Variants in ESRRB observed in about 807,000 individuals in gnomAD.
ESRRB encodes estrogen related receptor beta.
In ESRRB, 16 loss-of-function variants were observed where a neutral mutation model predicts 46.0. The ratio of observed to expected loss-of-function variants is 0.35; its 90% CI spans 0.24 to 0.53. The LOEUF is 0.53. Among genes scored for constraint, ESRRB ranks in the 20% least tolerant of loss-of-function variants. ESRRB has a pLI of 0.93. For synonymous variants in ESRRB, 246 were observed against 259.6 expected, an observed-to-expected ratio of 0.95 and a Z score of 0.50; for missense variants, 488 against 607.4, an observed-to-expected ratio of 0.80 and a Z score of 2.07.
chr14:76,411,953 CA>C (rs1886461885), intron 1 of ESRRB, among the ~76,000 whole-genome samples: 1 of 152,160 alleles, frequency 6.6e-6, no homozygotes, highest in African/African-American at 2.4e-5. Context: ...AGCATAGTGT[CA>C]GGTATACAAA....
intron 2 of ESRRB, among the ~76,000 whole-genome samples, chr14:76,448,891 CAAT>C (rs927204400): frequency 6.7e-6 from 1 of 150,148 alleles, no homozygotes; most frequent in African/African-American, 2.5e-5. Context: ...TTATGGAAAA[CAAT>C]ATATTATTTT....
In ESRRB at chr14:76,498,362, G is replaced by A. The variant is rs149094398; in HGVS notation, c.1269G>A (p.Thr423=). The A allele has an allele frequency of 1.1e-5, 17 of 1,612,484 alleles. No homozygotes were observed. The highest frequency in any genetic ancestry group is 9.3e-5 in the African/African-American group (7 of 74,916). ...TGACACTGCCGCTGCTGCGGCAGAC[G>A]GCCGCCAAGGCCGTGCAGCACTTCT... is the stretch of plus-strand genomic sequence containing the variant. ...LLLTLPLLRQ[T]AAKAVQHFYS... is the part of the protein sequence containing the mutation. The change falls in exon 7 of 7, where the codon ACG becomes ACA. Residue 423 remains threonine, a synonymous_variant. Coordinates refer to ENST00000644823, the MANE Select transcript of ESRRB (RefSeq NM_001379180.1).
chr14:76,413,861 T>TC (rs1284725521), intron 1 of ESRRB, among the ~76,000 whole-genome samples: 22 of 31,554 alleles, frequency 7.0e-4, no homozygotes, highest in South Asian at 2.5e-3. Flanking sequence ...CCCTGCACCA[T>TC]CCCCACCCCT....
chr14:76,419,682 T>C (rs973545785), intron 1 of ESRRB, among the ~76,000 whole-genome samples: 1 of 152,114 alleles, frequency 6.6e-6, no homozygotes, highest in Admixed American at 6.5e-5. Flanking sequence ...ACTTTGAAGG[T>C]CGTATTCTAT....
At chr14:76,487,672 T>C (rs1022561796) in intron 5 of ESRRB, among the ~76,000 whole-genome samples, 4 of 152,294 alleles carry the variant, frequency 2.6e-5, no homozygotes. Context: ...GGCATGATCT[T>C]GGCTCACTGG....
intron 1 of ESRRB, among the ~76,000 whole-genome samples, chr14:76,408,365 G>GC (rs986637773): frequency 2.6e-5 from 4 of 152,068 alleles, no homozygotes; most frequent in African/African-American, 4.8e-5. Flanking sequence ...GGTCACTTGA[G>GC]CCCAGGAGTT....
chr14:76,408,500 G>A (rs1886291085), intron 1 of ESRRB, among the ~76,000 whole-genome samples: 1 of 151,272 alleles, frequency 6.6e-6, no homozygotes, highest in African/African-American at 2.4e-5. Context: ...AAGGTGGTGG[G>A]GCGATTGCTT....
At position 76,499,794 on chromosome 14, in the gene ESRRB, T is replaced by G; in HGVS notation, c.*1336T>G. On this transcript the variant is annotated 3_prime_UTR_variant, in exon 7 of 7. Transcript: ENST00000644823. ...ACACGGGGACAGTGGGTCACTCTAT[T>G]TCTGTGGATGGCCGTGAAAGTTTTC... The G allele has an allele frequency of 1.5e-6, 2 of 1,343,898 alleles. No homozygotes were observed. The highest frequency in any genetic ancestry group is 2.1e-6 in the Non-Finnish European group (2 of 933,792). 83.2% of individuals were successfully genotyped at this position (1,343,898 alleles called of 1,614,324 possible). A position where few individuals can be genotyped will look rare whatever the true frequency, so the allele number is the denominator to read the frequency against.
chr14:76,386,278 A>G (rs759219803), intron 1 of ESRRB, among the ~76,000 whole-genome samples: 4 of 152,186 alleles, frequency 2.6e-5, no homozygotes, highest in Middle Eastern at 3.2e-3. Context: ...TGAATTTTAC[A>G]TAAATGTGAG....
intron 1 of ESRRB, among the ~76,000 whole-genome samples, chr14:76,409,456 C>G (rs1226728703): frequency 1.3e-5 from 2 of 152,210 alleles, no homozygotes; most frequent in Admixed American, 1.3e-4. Context: ...GGAAGGATGC[C>G]GTGGCGACGG....
At chr14:76,342,532 C>T (rs1566856243) in intron 1 of ESRRB, among the ~76,000 whole-genome samples, 1 of 152,232 alleles carries the variant, frequency 6.6e-6, no homozygotes, top group Non-Finnish European at 1.5e-5. Context: ...CTGCTGTGGT[C>T]ATCTCCACTC....
intron 1 of ESRRB, among the ~76,000 whole-genome samples, chr14:76,333,057 T>TTA (rs1555389374): frequency 8.9e-4 from 6 of 6,738 alleles, no homozygotes; most frequent in South Asian, 8.1e-3. Context: ...ATATTATATA[T>TTA]TATATATTAT....
At chr14:76,475,489 T>C (rs10134412) in intron 3 of ESRRB, among the ~76,000 whole-genome samples, 58,135 of 152,078 alleles carry the variant, frequency 0.38, 11,207 homozygotes, top group Middle Eastern at 0.49. Flanking sequence ...ATAGCATATA[T>C]CAGAACTTTA....
At chr14:76,355,405 T>G (rs1447526586) in intron 1 of ESRRB, among the ~76,000 whole-genome samples, 3 of 152,144 alleles carry the variant, frequency 2.0e-5, no homozygotes, top group Non-Finnish European at 4.4e-5. Context: ...CTTTCAAGAC[T>G]CAGCCCAAGC....
chr14:76,469,957 T>A (rs1889312452), intron 3 of ESRRB, among the ~76,000 whole-genome samples: 3 of 138,004 alleles, frequency 2.2e-5, no homozygotes, highest in Non-Finnish European at 4.7e-5. Flanking sequence ...TTTTTTTTTT[T>A]TTTTTTTTGA....
intron 2 of ESRRB, among the ~76,000 whole-genome samples, chr14:76,448,534 C>T (rs1451297728): frequency 3.3e-5 from 5 of 151,050 alleles, no homozygotes; most frequent in African/African-American, 9.7e-5. Context: ...CGGGGTTTCA[C>T]CATGTTGGCC....
rs11846620 is a variant in ESRRB at position 76,467,371 on chromosome 14, C to T, written c.577+4710C>T. Reference sequence around the variant, plus strand: ...CAAAAATTAGCTGGGCGTGGTGGCACGCGCATGTAATCCCAGCTACTCTGG... The same window carrying T: ...CAAAAATTAGCTGGGCGTGGTGGCATGCGCATGTAATCCCAGCTACTCTGG... On this transcript the variant is annotated intron_variant, in intron 3 of 6. Transcript: ENST00000644823. 3.7e-3 allele frequency among the ~76,000 whole-genome samples: 560 copies of T among 151,762 alleles called. 3 individuals carry two copies. The highest frequency in any genetic ancestry group is 0.013 in the African/African-American group (533 of 41,368).
At chr14:76,383,446 G>A (rs1474059179) in intron 1 of ESRRB, among the ~76,000 whole-genome samples, 1 of 152,060 alleles carries the variant, frequency 6.6e-6, no homozygotes, top group African/African-American at 2.4e-5. Context: ...GTTTCTGAAG[G>A]GCAAAGAACA....
At chr14:76,364,341 T>C (rs906483712) in intron 1 of ESRRB, among the ~76,000 whole-genome samples, 3 of 152,150 alleles carry the variant, frequency 2.0e-5, no homozygotes, top group African/African-American at 7.2e-5. Flanking sequence ...CTGGACACTT[T>C]CAGGGGTTTG....
Sources: gnomAD v4.1 joint callset for allele counts (sites outside exome capture counted in the v4.1 genomes callset) on GRCh38, gnomAD v4.1.1 for gene constraint, MANE v1.5 for transcripts, NCBI Gene and HGNC (gene_info 2026-07-23, HGNC 2026-07-21) for gene names.